FHIP1A: variants seen among roughly 807,000 people sequenced by gnomAD.
FHIP1A encodes FHF complex subunit HOOK interacting protein 1A, also known as FHF complex subunit HOOK-interacting protein 1A.
A neutral mutation model predicts 88.6 loss-of-function variants in FHIP1A; 61 were observed. The observed-to-expected ratio is 0.69, with a 90% CI of 0.56 to 0.85. The LOEUF is 0.85. FHIP1A is among the 40% of genes least tolerant of loss of function. FHIP1A has a pLI of 0.00. For synonymous variants in FHIP1A, 478 were observed against 496.0 expected, an observed-to-expected ratio of 0.96 and a Z score of 0.48; for missense variants, 1,154 against 1,273.5, an observed-to-expected ratio of 0.91 and a Z score of 1.43.
chr4:151,563,696 A>G (rs1733261977), intron 3 of FHIP1A, among the ~76,000 whole-genome samples: 1 of 152,184 alleles, frequency 6.6e-6, no homozygotes, highest in African/African-American at 2.4e-5. Flanking sequence ...TATTTCTATC[A>G]AAACTAACTT....
chr4:151,627,741 T>TA (rs1736004623), intron 7 of FHIP1A, among the ~76,000 whole-genome samples: 1 of 152,034 alleles, frequency 6.6e-6, no homozygotes, highest in Admixed American at 6.6e-5. Flanking sequence ...GAGATCTTTA[T>TA]AAAAAACGTC....
At chr4:151,592,333 A>G (rs922817540) in intron 7 of FHIP1A, among the ~76,000 whole-genome samples, 10 of 152,118 alleles carry the variant, frequency 6.6e-5, no homozygotes, top group East Asian at 5.8e-4. Flanking sequence ...ATGGGGTTTC[A>G]CTGTGTTAGC....
intron 3 of FHIP1A, among the ~76,000 whole-genome samples, chr4:151,556,076 C>T (rs1732935965): frequency 6.6e-6 from 1 of 151,934 alleles, no homozygotes; most frequent in African/African-American, 2.4e-5. Flanking sequence ...TTCTCTAGTG[C>T]TAAGGTATAT....
At chr4:151,508,994 T>C (rs1333402242) in intron 3 of FHIP1A, among the ~76,000 whole-genome samples, 1 of 152,182 alleles carries the variant, frequency 6.6e-6, no homozygotes, top group African/African-American at 2.4e-5. Flanking sequence ...GAAATTCCTC[T>C]CTTTGAGCAG....
chr4:151,558,439 G>A (rs1333525726), intron 3 of FHIP1A, among the ~76,000 whole-genome samples: 1 of 152,132 alleles, frequency 6.6e-6, no homozygotes, highest in East Asian at 1.9e-4. Flanking sequence ...GGAGGCTGAG[G>A]CATGAGAATC....
chr4:151,455,890 AAC>A (rs1310566681), intron 2 of FHIP1A, among the ~76,000 whole-genome samples: 1 of 152,232 alleles, frequency 6.6e-6, no homozygotes, highest in Non-Finnish European at 1.5e-5. Flanking sequence ...AAACATATAA[AAC>A]ACAGTTCCTG....
intron 2 of FHIP1A, among the ~76,000 whole-genome samples, chr4:151,470,842 C>A (rs1189952248): frequency 6.6e-6 from 1 of 152,048 alleles, no homozygotes; most frequent in Non-Finnish European, 1.5e-5. Flanking sequence ...CCTTTGCATC[C>A]TTCTACTGAA....
rs1737806913 is a variant in FHIP1A, at chr4:151,670,080, A to ACAT, written c.*7329_*7331dup. The stretch of plus-strand genomic sequence containing the variant: ...AGGCCTCCAAGGATTTTATTCTCTT[A>ACAT]CATCACAGTTTTGACAAGTATGCTT... On this transcript the variant is annotated 3_prime_UTR_variant, in exon 14 of 14. Transcript: ENST00000435205. 2.6e-5 allele frequency: 4 copies of ACAT among 152,348 alleles called. No homozygotes were observed. The South Asian group carries it at 6.2e-4, about 24-fold the overall frequency. 9.4% of individuals were successfully genotyped at this position (152,348 alleles called of 1,614,324 possible).
intron 4 of FHIP1A, among the ~76,000 whole-genome samples, chr4:151,570,709 C>T (rs1427200037): frequency 6.6e-6 from 1 of 152,210 alleles, no homozygotes; most frequent in African/African-American, 2.4e-5. Flanking sequence ...CTTACATCCC[C>T]ATTGCCCGGA....
chr4:151,510,668 A>G (rs1198358275), intron 3 of FHIP1A, among the ~76,000 whole-genome samples: 1 of 152,178 alleles, frequency 6.6e-6, no homozygotes, highest in Non-Finnish European at 1.5e-5. Flanking sequence ...GGAGCTAGCA[A>G]TCTAGCAGTG....
chr4:151,584,077 G>A (rs370123716), intron 5 of FHIP1A, among the ~76,000 whole-genome samples: 2 of 152,218 alleles, frequency 1.3e-5, no homozygotes, highest in East Asian at 3.9e-4. Flanking sequence ...ATAGAACAGA[G>A]AAATGTATAT....
intron 7 of FHIP1A, among the ~76,000 whole-genome samples, chr4:151,625,337 T>G (rs1735912896): frequency 6.6e-6 from 1 of 152,128 alleles, no homozygotes; most frequent in South Asian, 2.1e-4. Context: ...GCCACCTGCC[T>G]GCCTGACCCC....
chr4:151,488,097 A>G (rs999320241), intron 3 of FHIP1A, among the ~76,000 whole-genome samples: 5 of 152,058 alleles, frequency 3.3e-5, no homozygotes, highest in East Asian at 1.9e-4. Context: ...CTTTCCATTC[A>G]TTTATGTTAT....
intron 3 of FHIP1A, among the ~76,000 whole-genome samples, chr4:151,528,004 A>C (rs1047421685): frequency 2.0e-5 from 3 of 152,204 alleles, no homozygotes; most frequent in African/African-American, 7.2e-5. Context: ...ACAGAAGCCC[A>C]AGCGTTATCT....
intron 2 of FHIP1A, among the ~76,000 whole-genome samples, chr4:151,473,890 C>T (rs766138927): frequency 6.6e-6 from 1 of 152,128 alleles, no homozygotes; most frequent in Admixed American, 6.5e-5. Context: ...AAGAGTCAGG[C>T]TCTATATAGG....
intron 7 of FHIP1A, among the ~76,000 whole-genome samples, chr4:151,601,807 A>G (rs965673343): frequency 3.3e-5 from 5 of 151,602 alleles, no homozygotes; most frequent in Non-Finnish European, 5.9e-5. Flanking sequence ...GTCACATTTT[A>G]TATTAGTCCA....
chr4:151,652,141 G>A (rs145816416), intron 11 of FHIP1A, among the ~76,000 whole-genome samples: 17 of 152,030 alleles, frequency 1.1e-4, no homozygotes, highest in African/African-American at 3.6e-4. Flanking sequence ...TGTAAATAGA[G>A]GAAAGAAAGT....
intron 3 of FHIP1A, among the ~76,000 whole-genome samples, chr4:151,526,493 C>T (rs893103262): frequency 6.8e-6 from 1 of 146,826 alleles, no homozygotes; most frequent in African/African-American, 2.6e-5. Flanking sequence ...GGGCTGACCC[C>T]CCCACCTCCC....
chr4:151,465,428 A>G (rs938537671), intron 2 of FHIP1A, among the ~76,000 whole-genome samples: 1 of 152,220 alleles, frequency 6.6e-6, no homozygotes, highest in East Asian at 1.9e-4. Flanking sequence ...TTCATAGCTG[A>G]ATTCTTCCAG....
Sources: allele counts gnomAD v4.1 joint callset (sites outside exome capture counted in the v4.1 genomes callset), GRCh38; gene constraint gnomAD v4.1.1; transcripts MANE v1.5; gene names NCBI Gene and HGNC (gene_info 2026-07-23, HGNC 2026-07-21).